Variants in SMARCC1 observed in about 807,000 individuals in gnomAD.
The protein encoded by SMARCC1 is SWI/SNF related BAF chromatin remodeling complex subunit C1, also known as SWI/SNF complex subunit SMARCC1.
SMARCC1 carries 43 observed loss-of-function variants against 147.4 expected under a neutral mutation model. That is an observed-to-expected ratio of 0.29 (90% CI 0.23 to 0.38). SMARCC1 has a LOEUF of 0.38. Ranked by LOEUF, SMARCC1 falls within the 10% of genes least tolerant of loss-of-function variation. The probability of loss-of-function intolerance (pLI) is 1.00; values close to 1 mark genes in which losing one functional copy is unlikely to be tolerated. For missense variants in SMARCC1, 1,119 were observed against 1,381.1 expected, an observed-to-expected ratio of 0.81 and a Z score of 3.01; for synonymous variants, 495 against 484.4, an observed-to-expected ratio of 1.02 and a Z score of -0.29.
At chr3:47,657,723 G>A (rs2033282462) in intron 21 of SMARCC1, among the ~76,000 whole-genome samples, 1 of 151,996 alleles carries the variant, frequency 6.6e-6, no homozygotes, top group African/African-American at 2.4e-5. Context: ...TGAGGCAAGA[G>A]AATGGCTTGA....
chr3:47,643,186 A>G (rs1413840678), intron 21 of SMARCC1, among the ~76,000 whole-genome samples: 1 of 152,238 alleles, frequency 6.6e-6, no homozygotes, highest in Non-Finnish European at 1.5e-5. Context: ...CTTCACGGAC[A>G]AATTCATCTG....
chr3:47,686,935 G>T (rs2033732986), intron 13 of SMARCC1, among the ~76,000 whole-genome samples: 1 of 152,116 alleles, frequency 6.6e-6, no homozygotes, highest in African/African-American at 2.4e-5. Flanking sequence ...ACAGTGAGCT[G>T]TGTTTCCACC....
At chr3:47,764,241 G>A (rs1447502019) in intron 2 of SMARCC1, among the ~76,000 whole-genome samples, 3 of 151,994 alleles carry the variant, frequency 2.0e-5, no homozygotes, top group Admixed American at 6.6e-5. Context: ...TCAATATGTT[G>A]CTCAAGCTGG....
At chr3:47,648,993 C>A (rs1189003602) in intron 21 of SMARCC1, among the ~76,000 whole-genome samples, 1 of 152,138 alleles carries the variant, frequency 6.6e-6, no homozygotes, top group Non-Finnish European at 1.5e-5. Context: ...CATCCTACTA[C>A]CTAATAAATA....
intron 21 of SMARCC1, among the ~76,000 whole-genome samples, chr3:47,646,450 G>C (rs73083140): frequency 7.9e-5 from 12 of 152,106 alleles, no homozygotes; most frequent in Non-Finnish European, 1.2e-4. Context: ...AGGATTAAAC[G>C]ACTTAAACAA....
chr3:47,675,599 T>C lies in SMARCC1; in HGVS notation c.1726-11A>G, dbSNP rs2106754884. ...TTGAGCAGCAGGAACCTGAGTCAAA[T>C]AAATGATAAATGGCTGAGTTAGCCT... On this transcript the variant is annotated splice_polypyrimidine_tract_variant and intron_variant, in intron 17 of 27. Coordinates refer to ENST00000254480, the MANE Select transcript of SMARCC1 (RefSeq NM_003074.4). The C allele has an allele frequency of 7.4e-7, 1 of 1,350,262 alleles. No homozygotes were observed. The highest frequency in any genetic ancestry group is 1.1e-6 in the Non-Finnish European group (1 of 940,084). The allele number at this position is 1,350,262 out of a possible 1,614,324, so 83.6% of individuals were successfully genotyped here.
intron 11 of SMARCC1, among the ~76,000 whole-genome samples, chr3:47,700,177 T>TA (rs939777882): frequency 6.7e-4 from 98 of 146,386 alleles, no homozygotes; most frequent in South Asian, 1.1e-3. Flanking sequence ...TAAAGTATAT[T>TA]AAAAAAAAAA....
chr3:47,710,648 GACTT>G, intron 9 of SMARCC1, 31 bp downstream of exon 9: 1 of 1,606,978 alleles, frequency 6.2e-7, no homozygotes, highest in South Asian at 1.1e-5. Context: ...CAAGAAGACA[GACTT>G]AATGATGAGA....
At chr3:47,624,183 C>T (rs940334878) in intron 24 of SMARCC1, among the ~76,000 whole-genome samples, 4 of 151,752 alleles carry the variant, frequency 2.6e-5, no homozygotes, top group Admixed American at 6.6e-5. Context: ...CCCAGCTACT[C>T]GGGAGGCTGA....
At position 47,693,287 on chromosome 3, in the gene SMARCC1, T is replaced by C; in HGVS notation, c.1179A>G (p.Lys393=). The change falls in exon 12 of 28, where the codon AAA becomes AAG. Residue 393 remains lysine, a synonymous_variant. Coordinates refer to ENST00000254480, the MANE Select transcript of SMARCC1 (RefSeq NM_003074.4). ...VVLPKNVNLK[K]DSENTPVKGG... is the part of the protein sequence containing the mutation. Reference sequence around the variant, plus strand: ...CTTTAACAGGTGTATTTTCACTATCTTTCTTTAGGTTCACTAGAAAAAGAA... The same window carrying C: ...CTTTAACAGGTGTATTTTCACTATCCTTCTTTAGGTTCACTAGAAAAAGAA... 1 of 1,581,638 alleles carries C rather than the reference T, an allele frequency of 6.3e-7. No individual in the cohort carries two copies. The highest frequency in any genetic ancestry group is 8.7e-7 in the Non-Finnish European group (1 of 1,151,086).
Position 47,588,217 on chromosome 3 carries a change from C to G in SMARCC1, c.3310G>C (p.Ala1104Pro), listed in dbSNP as rs749863338. ...TCCCTGCATCTTCCAGGCTAAGGAG[C>G]AGCTGAGGCTGGCGGGCCAGGAGCA... ...PPAPGPPASA[A>P]P Residue 1104 changes from alanine to proline, a missense_variant, in exon 28 of 28, where the codon GCT (alanine) becomes CCT (proline). Coordinates refer to ENST00000254480, the MANE Select transcript of SMARCC1 (RefSeq NM_003074.4). 5 of 1,613,144 alleles carry G rather than the reference C, an allele frequency of 3.1e-6. No individual in the cohort carries two copies. The highest frequency in any genetic ancestry group is 4.2e-6 in the Non-Finnish European group (5 of 1,179,432).
rs1335733484 is a variant in SMARCC1 at position 47,675,650 on chromosome 3, T to C, written c.1726-62A>G. ...CTTTAAAGTCAAGAGGGTAAATGTT[T>C]TTAAAAATTTGTTTGGGCCAGGCGC... On this transcript the variant is annotated intron_variant, in intron 17 of 27. Transcript: ENST00000254480. 7.3e-6 allele frequency: 7 copies of C among 953,892 alleles called. No homozygotes were observed. The African/African-American group carries it at 8.2e-5, about 11-fold the overall frequency. The allele number at this position is 953,892 out of a possible 1,614,324, so 59.1% of individuals were successfully genotyped here.
chr3:47,736,640 G>C (rs1463068805), intron 4 of SMARCC1, among the ~76,000 whole-genome samples: 1 of 152,012 alleles, frequency 6.6e-6, no homozygotes, highest in Non-Finnish European at 1.5e-5. Context: ...TCACACCACT[G>C]AACTCCAGCC....
At chr3:47,704,261 A>G (rs993003400) in intron 10 of SMARCC1, among the ~76,000 whole-genome samples, 1 of 152,252 alleles carries the variant, frequency 6.6e-6, no homozygotes, top group East Asian at 1.9e-4. Flanking sequence ...CATACAGTGC[A>G]GATGAATGAA....
chr3:47,709,562 T>C (rs1470850190), intron 9 of SMARCC1, among the ~76,000 whole-genome samples: 1 of 152,042 alleles, frequency 6.6e-6, no homozygotes, highest in East Asian at 1.9e-4. Flanking sequence ...GGCACGTGCC[T>C]GTAGTCCCAA....
intron 6 of SMARCC1, among the ~76,000 whole-genome samples, chr3:47,727,741 G>C (rs151084549): frequency 8.7e-5 from 13 of 149,002 alleles, no homozygotes; most frequent in Non-Finnish European, 1.5e-4. Flanking sequence ...TCAGCCTCCC[G>C]AGTAGCTAGG....
chr3:47,628,850 AAC>A (rs1199888897), intron 24 of SMARCC1, among the ~76,000 whole-genome samples: 1 of 152,200 alleles, frequency 6.6e-6, no homozygotes, highest in Non-Finnish European at 1.5e-5. Flanking sequence ...TTACATTTTA[AAC>A]ACAGAAATCC....
chr3:47,767,289 G>C (rs1184117599), intron 2 of SMARCC1, among the ~76,000 whole-genome samples: 1 of 145,536 alleles, frequency 6.9e-6, no homozygotes, highest in Non-Finnish European at 1.5e-5. Flanking sequence ...GCCCAGGCTG[G>C]AGTGCAATGG....
At chr3:47,765,735 AT>A (rs796147596) in intron 2 of SMARCC1, among the ~76,000 whole-genome samples, 727 of 144,724 alleles carry the variant, frequency 5.0e-3, no homozygotes, top group Non-Finnish European at 6.3e-3. Context: ...TTGCAAATTA[AT>A]TTTTTTTTTT....
Sources: gnomAD v4.1 joint callset for allele counts (sites outside exome capture counted in the v4.1 genomes callset) on GRCh38, gnomAD v4.1.1 for gene constraint, MANE v1.5 for transcripts, NCBI Gene and HGNC (gene_info 2026-07-23, HGNC 2026-07-21) for gene names.